The following JHY variants were observed in gnomAD, a reference collection of about 807,000 sequenced individuals.
The protein encoded by JHY is jhy protein homolog.
JHY carries 69 observed loss-of-function variants against 78.0 expected under a neutral mutation model. The observed-to-expected ratio is 0.88, with a 90% CI of 0.73 to 1.08. The LOEUF is 1.08. JHY is among the 50% of genes least tolerant of loss of function. JHY has a pLI of 0.00. For synonymous variants in JHY, 368 were observed against 342.6 expected, an observed-to-expected ratio of 1.07 and a Z score of -0.82; for missense variants, 944 against 927.8, an observed-to-expected ratio of 1.02 and a Z score of -0.23.
chr11:122,889,645 G>A (rs1862568043), intron 2 of JHY, among the ~76,000 whole-genome samples: 1 of 152,114 alleles, frequency 6.6e-6, no homozygotes, highest in Non-Finnish European at 1.5e-5. Context: ...ACTGAGCGAT[G>A]ATTATACTTA....
chr11:122,946,198 C>T (rs1337458795), intron 5 of JHY, among the ~76,000 whole-genome samples: 2 of 152,128 alleles, frequency 1.3e-5, no homozygotes, highest in Non-Finnish European at 1.5e-5. Flanking sequence ...TAATGTAATG[C>T]AACATTTCTA....
chr11:122,889,659 G>A (rs1018306031), intron 2 of JHY, among the ~76,000 whole-genome samples: 15 of 152,122 alleles, frequency 9.9e-5, no homozygotes, highest in African/African-American at 3.6e-4. Context: ...ATACTTATAT[G>A]TTCATAATAC....
intron 8 of JHY, 98 bp downstream of exon 8, chr11:122,957,589 C>A: frequency 9.2e-6 from 11 of 1,194,996 alleles, no homozygotes; most frequent in Admixed American, 3.7e-5. Flanking sequence ...GCCACAGAGT[C>A]TTGCCGTCTT....
At chr11:122,949,845 T>C (rs1262791353) in intron 6 of JHY, among the ~76,000 whole-genome samples, 3 of 151,142 alleles carry the variant, frequency 2.0e-5, no homozygotes, top group Non-Finnish European at 3.0e-5. Context: ...CTTTTCTTTT[T>C]TTTTTTTTTG....
chr11:122,960,842 G>C lies in JHY; in HGVS notation c.*1397G>C, dbSNP rs1864297716. 1 of 646,444 alleles carries C rather than the reference G, an allele frequency of 1.5e-6. No homozygotes were observed. The highest frequency in any genetic ancestry group is 1.4e-5 in the South Asian group (1 of 71,162). 40.0% of individuals were successfully genotyped at this position (646,444 alleles called of 1,614,324 possible). A position where few individuals can be genotyped will look rare whatever the true frequency, so the allele number is the denominator to read the frequency against. On this transcript the variant is annotated 3_prime_UTR_variant, in exon 9 of 9. Coordinates refer to ENST00000227349, the MANE Select transcript of JHY (RefSeq NM_024806.4). ...AGCGCCATTACCTTTTTGATGTGCA[G>C]AGGAATAACATTGCTATGGCTGTGG...
intron 3 of JHY, among the ~76,000 whole-genome samples, chr11:122,909,242 G>T (rs576169175): frequency 6.6e-6 from 1 of 152,156 alleles, no homozygotes; most frequent in Non-Finnish European, 1.5e-5. Context: ...CAAAAAATAC[G>T]GTCAAGCTGG....
intron 4 of JHY, chr11:122,927,312 C>G (rs577675906): frequency 5.9e-5 from 9 of 152,318 alleles, no homozygotes; most frequent in African/African-American, 2.2e-4. Context: ...CCTGCGTGTA[C>G]TGTAATTAAT....
intron 3 of JHY, among the ~76,000 whole-genome samples, chr11:122,911,633 TG>T (rs1311028809): frequency 6.6e-6 from 1 of 152,026 alleles, no homozygotes; most frequent in Non-Finnish European, 1.5e-5. Flanking sequence ...AGACTGAGCG[TG>T]GTGGCTCACT....
intron 3 of JHY, among the ~76,000 whole-genome samples, chr11:122,922,051 T>C (rs1034992480): frequency 6.6e-6 from 1 of 152,214 alleles, no homozygotes; most frequent in African/African-American, 2.4e-5. Context: ...ACAAGTTGAA[T>C]TGTTTCATGA....
chr11:122,931,968 C>T (rs551679446), intron 4 of JHY, among the ~76,000 whole-genome samples: 11 of 152,060 alleles, frequency 7.2e-5, no homozygotes, highest in Admixed American at 5.9e-4. Flanking sequence ...CCGTGTGTGA[C>T]GCAAAAACCT....
intron 5 of JHY, among the ~76,000 whole-genome samples, chr11:122,938,347 C>T (rs7123283): frequency 0.51 from 77,680 of 151,826 alleles, 20,758 homozygotes; most frequent in African/African-American, 0.66. Context: ...GAGGGTTTCT[C>T]AGTCCTAGCT....
At chr11:122,926,852 C>A (rs922955342) in intron 4 of JHY, among the ~76,000 whole-genome samples, 9 of 152,204 alleles carry the variant, frequency 5.9e-5, no homozygotes, top group African/African-American at 1.9e-4. Context: ...GTCTAAATGA[C>A]CTTCAAGGTC....
chr11:122,950,375 A>C (rs1463029578), intron 6 of JHY, among the ~76,000 whole-genome samples: 1 of 152,192 alleles, frequency 6.6e-6, no homozygotes, highest in East Asian at 1.9e-4. Context: ...ACCAGGGACT[A>C]AATTTAGCTC....
intron 3 of JHY, among the ~76,000 whole-genome samples, chr11:122,916,303 TACAA>T (rs1278346733): frequency 3.9e-5 from 6 of 152,214 alleles, no homozygotes; most frequent in African/African-American, 1.4e-4. Context: ...CATAAATATG[TACAA>T]ACATTATATA....
At position 122,946,484 on chromosome 11, in the gene JHY, T is replaced by G. The variant is rs745475056; in HGVS notation, c.1635-14T>G. On this transcript the variant is annotated splice_polypyrimidine_tract_variant and intron_variant, in intron 5 of 8. Transcript: ENST00000227349. ...TTTTATTAATAGATTTGTGCCTTTT[T>G]TTTTTTCATTAAGGAAATTCCATTC... 1 of 1,555,622 alleles carries G rather than the reference T, an allele frequency of 6.4e-7. No homozygotes were observed. The highest frequency in any genetic ancestry group is 2.3e-5 in the East Asian group (1 of 44,350).
chr11:122,942,715 T>A (rs1164775187), intron 5 of JHY, among the ~76,000 whole-genome samples: 5 of 152,176 alleles, frequency 3.3e-5, no homozygotes. Flanking sequence ...TGAGCCAACG[T>A]GCCCAGCCCT....
At chr11:122,933,915 G>A (rs565489598) in intron 4 of JHY, among the ~76,000 whole-genome samples, 10 of 152,280 alleles carry the variant, frequency 6.6e-5, no homozygotes, top group African/African-American at 2.4e-4. Context: ...ATCTCTCGAA[G>A]TAAAGCTTCC....
Position 122,904,351 on chromosome 11 carries a change from A to G in JHY, c.771A>G (p.Glu257=), listed in dbSNP as rs1210796364. 9 of 1,614,162 alleles carry G rather than the reference A, an allele frequency of 5.6e-6. No individual in the cohort carries two copies. In the South Asian group the frequency reaches 8.8e-5, roughly 16 times the overall value. Residue 257 remains glutamate, a synonymous_variant, in exon 3 of 9, where the codon GAA becomes GAG. Coordinates refer to ENST00000227349, the MANE Select transcript of JHY (RefSeq NM_024806.4). The part of the protein sequence containing the change: ...RRRKSKQHFV[E]KNKLTLGLPT... Reference sequence around the variant, plus strand: ...GGAAATCCAAACAACATTTTGTGGAAAAAAACAAGCTCACTTTGGGATTAC... The same window carrying G: ...GGAAATCCAAACAACATTTTGTGGAGAAAAACAAGCTCACTTTGGGATTAC...
intron 6 of JHY, among the ~76,000 whole-genome samples, chr11:122,949,068 AG>A (rs1832651383): frequency 7.0e-6 from 1 of 143,140 alleles, no homozygotes; most frequent in Non-Finnish European, 1.5e-5. Flanking sequence ...TGGGGGACAG[AG>A]TGAGACTCCA....
Sources: gnomAD v4.1 joint callset for allele counts (sites outside exome capture counted in the v4.1 genomes callset) on GRCh38, gnomAD v4.1.1 for gene constraint, MANE v1.5 for transcripts, NCBI Gene and HGNC (gene_info 2026-07-23, HGNC 2026-07-21) for gene names.